Variants in USP34 observed in about 807,000 individuals in gnomAD.
The protein encoded by USP34 is ubiquitin carboxyl-terminal hydrolase 34.
USP34 carries 70 observed loss-of-function variants against 460.3 expected under a neutral mutation model. That is an observed-to-expected ratio of 0.15 (90% confidence interval 0.13 to 0.19). USP34 has a LOEUF of 0.19. Among genes scored for constraint, USP34 ranks in the 10% least tolerant of loss-of-function variants. The pLI, the probability that USP34 is intolerant of heterozygous loss-of-function variation, is 1.00. For synonymous variants in USP34, 1,647 were observed against 1,405.3 expected (o/e 1.17, Z -3.85); for missense variants, 3,985 against 4,236.2 (o/e 0.94, Z 1.65).
At chr2:61,197,057 T>C (rs899355748) in intron 75 of USP34, among the ~76,000 whole-genome samples, 2 of 152,128 alleles carry the variant, frequency 1.3e-5, no homozygotes, top group South Asian at 4.1e-4. Flanking sequence ...GGTGGATCAC[T>C]TGAAGTTAGG....
chr2:61,418,294 G>A (rs556219570), intron 2 of USP34, among the ~76,000 whole-genome samples: 1 of 152,030 alleles, frequency 6.6e-6, no homozygotes, highest in African/African-American at 2.4e-5. Context: ...TGGTCAGGCT[G>A]GTCTCGAACT....
chr2:61,260,572 C>G (rs1437996474), intron 43 of USP34, among the ~76,000 whole-genome samples: 1 of 152,068 alleles, frequency 6.6e-6, no homozygotes, highest in Non-Finnish European at 1.5e-5. Context: ...AGCTTATAAT[C>G]AAATTGAAGT....
chr2:61,322,277 T>A (rs1286462718), intron 21 of USP34, among the ~76,000 whole-genome samples: 1 of 151,818 alleles, frequency 6.6e-6, no homozygotes. Flanking sequence ...ACCCTTATGA[T>A]GAAGAAAGCA....
intron 5 of USP34, among the ~76,000 whole-genome samples, chr2:61,393,229 G>C (rs553253201): frequency 6.6e-6 from 1 of 152,216 alleles, no homozygotes; most frequent in East Asian, 1.9e-4. Flanking sequence ...TTAGGAGTTT[G>C]AGACCAGCCT....
chr2:61,303,568 T>C (rs554795493), intron 27 of USP34, among the ~76,000 whole-genome samples: 2 of 152,260 alleles, frequency 1.3e-5, no homozygotes, highest in South Asian at 4.1e-4. Flanking sequence ...GGAAAAGCTT[T>C]GGCTACTGGA....
chr2:61,437,641 CAG>C (rs1694848959), intron 1 of USP34, among the ~76,000 whole-genome samples: 1 of 151,974 alleles, frequency 6.6e-6, no homozygotes, highest in Non-Finnish European at 1.5e-5. Context: ...GGCATGGTGG[CAG>C]GCACCTGCAG....
In USP34 at chr2:61,192,573, A is replaced by G. The variant is rs1022280460; in HGVS notation, c.9588+328T>C. On this transcript the variant is annotated intron_variant, in intron 76 of 79. Coordinates refer to ENST00000398571, the MANE Select transcript of USP34 (RefSeq NM_014709.4). ...AGAGACAGGGAGGTGAAGGAGAGGA[A>G]GAAGTGGCAAGTGCCTTTTCCCCCA... is the stretch of plus-strand genomic sequence containing the variant. 2.0e-5 allele frequency among the ~76,000 whole-genome samples: 3 copies of G among 152,266 alleles called. No homozygotes were observed. The East Asian group carries it at 5.8e-4, about 29-fold the overall frequency.
chr2:61,470,029 C>T (rs574058434), intron 1 of USP34, among the ~76,000 whole-genome samples: 1 of 152,254 alleles, frequency 6.6e-6, no homozygotes, highest in African/African-American at 2.4e-5. Context: ...GCGGTGAATG[C>T]TACACTAAGA....
chr2:61,307,358 T>C (rs1442437815), intron 27 of USP34, among the ~76,000 whole-genome samples: 1 of 151,662 alleles, frequency 6.6e-6, no homozygotes, highest in Non-Finnish European at 1.5e-5. Context: ...GAGATATACC[T>C]AATGTAAATG....
At position 61,188,537 on chromosome 2, in the gene USP34, T is replaced by C; in HGVS notation, c.10206A>G (p.Gln3402=). 1 of 1,614,248 alleles carries C rather than the reference T, an allele frequency of 6.2e-7. No homozygotes were observed. Reference sequence around the variant, plus strand: ...AACTATTTTCAGGGGAAGGAAGATCTTGCTCAGTTCCTGGATCAATAATTG... The same window carrying C: ...AACTATTTTCAGGGGAAGGAAGATCCTGCTCAGTTCCTGGATCAATAATTG... The part of the protein sequence containing the change: ...DSSIIDPGTE[Q]DLPSPENSSV... Residue 3402 remains glutamine (Q), a synonymous_variant, in exon 80 of 80, where the codon CAA becomes CAG. Coordinates refer to ENST00000398571, the MANE Select transcript of USP34 (RefSeq NM_014709.4).
chr2:61,320,724 T>C (rs1163132881), intron 21 of USP34, among the ~76,000 whole-genome samples: 1 of 152,040 alleles, frequency 6.6e-6, no homozygotes, highest in Admixed American at 6.6e-5. Flanking sequence ...AACAAAAATT[T>C]GTAGGCTGGG....
chr2:61,341,162 G>A (rs974066013), intron 16 of USP34, among the ~76,000 whole-genome samples: 19 of 152,154 alleles, frequency 1.2e-4, no homozygotes, highest in African/African-American at 4.1e-4. Context: ...GATGTTGGAT[G>A]TGTCTGTAGT....
rs553294054 is a variant in USP34 at position 61,296,760 on chromosome 2, T to C, written c.4254+40A>G. On this transcript the variant is annotated intron_variant, in intron 30 of 79. Coordinates refer to ENST00000398571, the MANE Select transcript of USP34 (RefSeq NM_014709.4). Reference sequence around the variant, plus strand: ...CACTGTCAATAGGAATGTAAACTGGTAACAGCCTCTAGGAGAGTAAAGAGA... The same window carrying C: ...CACTGTCAATAGGAATGTAAACTGGCAACAGCCTCTAGGAGAGTAAAGAGA... The C allele has an allele frequency of 6.3e-6, 10 of 1,587,228 alleles. No homozygotes were observed. The African/African-American group carries it at 1.1e-4, about 17-fold the overall frequency.
At position 61,288,814 on chromosome 2, in the gene USP34, C is replaced by G; in HGVS notation, c.4612G>C (p.Asp1538His). The change falls in exon 34 of 80, where the codon GAT becomes CAT. Residue 1538 changes from aspartate (D) to histidine (H), a missense_variant. By Grantham distance (81) the Asp-to-His change is moderately conservative. Coordinates refer to ENST00000398571, the MANE Select transcript of USP34 (RefSeq NM_014709.4). The stretch of plus-strand genomic sequence containing the variant: ...ACATCATGATAAGCTAAATCCAAAT[C>G]GGATGGATCTACTGCAAACTGGCAT... Reference protein sequence around the residue: ...LICQFAVDPSDLDLAYHDVFA... With the variant: ...LICQFAVDPSHLDLAYHDVFA... The G allele has an allele frequency of 6.2e-7, 1 of 1,613,830 alleles. No homozygotes were observed. Among genetic ancestry groups the G allele is most frequent in the Non-Finnish European group, 8.5e-7 (1 of 1,179,942 alleles).
chr2:61,384,179 G>A (rs1483834814), intron 5 of USP34, among the ~76,000 whole-genome samples: 1 of 152,092 alleles, frequency 6.6e-6, no homozygotes, highest in Non-Finnish European at 1.5e-5. Flanking sequence ...GTAACTTACA[G>A]CTCGACTGAG....
intron 27 of USP34, among the ~76,000 whole-genome samples, chr2:61,308,385 C>A (rs1386989277): frequency 6.6e-6 from 1 of 151,914 alleles, no homozygotes. Flanking sequence ...AAATGAAAAA[C>A]TCAGTAGAAA....
At chr2:61,320,728 G>A (rs894451565) in intron 21 of USP34, among the ~76,000 whole-genome samples, 3 of 152,110 alleles carry the variant, frequency 2.0e-5, no homozygotes, top group Non-Finnish European at 4.4e-5. Flanking sequence ...AAAATTTGTA[G>A]GCTGGGCGTG....
rs75244255 is a variant in USP34, at chr2:61,276,846, G to A, written c.5433+1319C>T. Among the ~76,000 whole-genome samples, 379 of 152,282 alleles carry A rather than the reference G, an allele frequency of 2.5e-3. 2 individuals are homozygous for A. Among genetic ancestry groups the A allele is most frequent in the African/African-American group, 9.0e-3 (372 of 41,558 alleles). ...CAAACAGATAAGACTGTAATCTTAAGTTGATCTCAAGAATCCTTTAGTCTA... is the reference window on the plus strand; with the variant it reads ...CAAACAGATAAGACTGTAATCTTAAATTGATCTCAAGAATCCTTTAGTCTA... On this transcript the variant is annotated intron_variant, in intron 41 of 79. Transcript: ENST00000398571.
At chr2:61,256,538 A>G in intron 47 of USP34, 60 bp from the exon 48 acceptor site, 1 of 1,313,512 alleles carries the variant, frequency 7.6e-7, no homozygotes, top group East Asian at 2.6e-5. Context: ...CAAATATACA[A>G]AAGGTGGCAA....
Sources: allele counts gnomAD v4.1 joint callset (sites outside exome capture counted in the v4.1 genomes callset), GRCh38; gene constraint gnomAD v4.1.1; transcripts MANE v1.5; gene names NCBI Gene and HGNC (gene_info 2026-07-23, HGNC 2026-07-21).